PDE4D: variants seen among roughly 807,000 people sequenced by gnomAD.
PDE4D encodes phosphodiesterase 4D.
A neutral mutation model predicts 87.4 loss-of-function variants in PDE4D; 24 were observed. That is an observed-to-expected ratio of 0.27 (90% CI 0.20 to 0.39). The LOEUF (loss-of-function observed/expected upper bound fraction) is 0.39. Among genes scored for constraint, PDE4D ranks in the 10% least tolerant of loss-of-function variants. The pLI, the probability that PDE4D is intolerant of heterozygous loss-of-function variation, is 1.00. For synonymous variants in PDE4D, 384 were observed against 383.2 expected, an observed-to-expected ratio of 1.00 and a Z score of -0.02; for missense variants, 714 against 1,041.0, an observed-to-expected ratio of 0.69 and a Z score of 4.32.
chr5:59,893,144 G>C (rs1405128112), intron 1 of PDE4D, 24 bp downstream of exon 1: 2 of 1,543,958 alleles, frequency 1.3e-6, no homozygotes, highest in South Asian at 2.4e-5. Context: ...TGCCTGAATG[G>C]GGGAGGGGGC....
At chr5:60,348,665 C>G (rs951604999) in intron 1 of PDE4D, among the ~76,000 whole-genome samples, 5 of 151,974 alleles carry the variant, frequency 3.3e-5, no homozygotes, top group African/African-American at 1.2e-4. Flanking sequence ...TCATGGAACT[C>G]TAGAATATTT....
chr5:59,483,264 T>C (rs1804572765), intron 1 of PDE4D, among the ~76,000 whole-genome samples: 1 of 152,180 alleles, frequency 6.6e-6, no homozygotes, highest in Non-Finnish European at 1.5e-5. Context: ...GTAAATTCCT[T>C]AAAATAAATC....
intron 5 of PDE4D, chr5:59,039,553 AGC>A: frequency 1.0e-6 from 1 of 981,830 alleles, no homozygotes; most frequent in Non-Finnish European, 1.2e-6. Flanking sequence ...CGGCAGGCGC[AGC>A]GCGGCTCCAA....
At chr5:59,901,404 AT>A (rs1279620609) in intron 3 of PDE4D, among the ~76,000 whole-genome samples, 1 of 152,166 alleles carries the variant, frequency 6.6e-6, no homozygotes, top group African/African-American at 2.4e-5. Context: ...GCAAGGAAGG[AT>A]TTTTTTAAAA....
In PDE4D at chr5:59,509,904, A is replaced by T. The variant is rs572809864; in HGVS notation, c.456-293936T>A. Among the ~76,000 whole-genome samples, 236 of 147,388 alleles carry T rather than the reference A, an allele frequency of 1.6e-3. 1 individual carries two copies. Among genetic ancestry groups the T allele is most frequent in the African/African-American group, 5.5e-3 (226 of 40,908 alleles). On this transcript the variant is annotated intron_variant, in intron 1 of 14. Transcript: ENST00000340635. ...GTTTATATTATAAACTTTATAAATTATATAAACTTATATATAATTATACTT... is the reference window on the plus strand; with the variant it reads ...GTTTATATTATAAACTTTATAAATTTTATAAACTTATATATAATTATACTT...
chr5:59,228,850 G>A (rs775896049), intron 1 of PDE4D, among the ~76,000 whole-genome samples: 1 of 152,034 alleles, frequency 6.6e-6, no homozygotes, highest in Non-Finnish European at 1.5e-5. Context: ...TGTCCTTGAA[G>A]CACTGTGCAT....
At chr5:59,868,217 A>T (rs995557829) in intron 1 of PDE4D, among the ~76,000 whole-genome samples, 4 of 152,178 alleles carry the variant, frequency 2.6e-5, no homozygotes, top group Admixed American at 2.6e-4. Context: ...CTTAAAACTG[A>T]GACAATTATA....
intron 1 of PDE4D, among the ~76,000 whole-genome samples, chr5:59,793,138 C>T (rs1237824874): frequency 3.9e-5 from 6 of 152,120 alleles, no homozygotes; most frequent in Admixed American, 6.5e-5. Flanking sequence ...GAGTGAGTTC[C>T]GTGGAGGTGC....
rs191786576 is a variant in PDE4D at position 59,805,770 on chromosome 5, G to A, written c.455+87398C>T. ...CAGGAATGAATGGTCAGTTTCTGAC[G>A]ATGCAAGGCAATTTATTCTGGCTCT... On this transcript the variant is annotated intron_variant, in intron 1 of 14. Coordinates refer to ENST00000340635, the MANE Select transcript of PDE4D (RefSeq NM_001104631.2). 1.6e-3 allele frequency among the ~76,000 whole-genome samples: 242 copies of A among 152,330 alleles called. 1 individual carries two copies. Among genetic ancestry groups the A allele is most frequent in the African/African-American group, 5.6e-3 (234 of 41,568 alleles).
intron 2 of PDE4D, among the ~76,000 whole-genome samples, chr5:60,013,917 C>T (rs907884269): frequency 6.6e-6 from 1 of 151,742 alleles, no homozygotes; most frequent in African/African-American, 2.4e-5. Flanking sequence ...CATGGTGAAA[C>T]CCCATCTCTG....
At chr5:59,323,784 ATT>A (rs55924752) in intron 1 of PDE4D, among the ~76,000 whole-genome samples, 3 of 149,986 alleles carry the variant, frequency 2.0e-5, no homozygotes, top group Non-Finnish European at 4.5e-5. Context: ...AGCCAAAGAC[ATT>A]TTTTTTTTGA....
chr5:59,126,342 G>C (rs1015441022), intron 5 of PDE4D, among the ~76,000 whole-genome samples: 3 of 152,082 alleles, frequency 2.0e-5, no homozygotes, highest in East Asian at 3.8e-4. Flanking sequence ...TCTTTCTTTC[G>C]ATTATTACAG....
At chr5:59,236,710 G>A (rs1756515081) in intron 1 of PDE4D, among the ~76,000 whole-genome samples, 1 of 151,992 alleles carries the variant, frequency 6.6e-6, no homozygotes, top group Non-Finnish European at 1.5e-5. Context: ...CTGCCCACAT[G>A]CCCAGCTCTT....
At chr5:59,935,098 G>C (rs967789992) in intron 3 of PDE4D, among the ~76,000 whole-genome samples, 3 of 152,112 alleles carry the variant, frequency 2.0e-5, no homozygotes, top group African/African-American at 7.2e-5. Context: ...AGTTTAAAGG[G>C]CTGTGAGGTC....
intron 1 of PDE4D, among the ~76,000 whole-genome samples, chr5:59,456,754 A>G (rs1368810045): frequency 6.6e-6 from 1 of 152,196 alleles, no homozygotes; most frequent in Admixed American, 6.5e-5. Flanking sequence ...CAAAATATCA[A>G]CATTACCAGG....
At chr5:59,228,948 A>C (rs1754491681) in intron 1 of PDE4D, among the ~76,000 whole-genome samples, 1 of 151,464 alleles carries the variant, frequency 6.6e-6, no homozygotes, top group Admixed American at 6.6e-5. Context: ...CCTTCATGAG[A>C]TATTCCCATA....
intron 1 of PDE4D, among the ~76,000 whole-genome samples, chr5:59,346,025 C>A (rs532843742): frequency 3.3e-5 from 5 of 152,150 alleles, no homozygotes; most frequent in Admixed American, 2.6e-4. Context: ...TGGTGCAATA[C>A]TAACAAAATG....
intron 6 of PDE4D, among the ~76,000 whole-genome samples, chr5:59,031,975 G>A (rs1048698651): frequency 6.6e-6 from 1 of 151,522 alleles, no homozygotes; most frequent in Non-Finnish European, 1.5e-5. Flanking sequence ...CGATCAAACA[G>A]TACAAAATTT....
intron 1 of PDE4D, among the ~76,000 whole-genome samples, chr5:60,402,715 T>G (rs149397698): frequency 6.6e-6 from 1 of 152,246 alleles, no homozygotes; most frequent in Non-Finnish European, 1.5e-5. Context: ...GGTGATCTTA[T>G]GTTGATGCTT....
Sources: allele counts gnomAD v4.1 joint callset (sites outside exome capture counted in the v4.1 genomes callset), GRCh38; gene constraint gnomAD v4.1.1; transcripts MANE v1.5; gene names NCBI Gene and HGNC (gene_info 2026-07-23, HGNC 2026-07-21).